CNST: variants seen among roughly 807,000 people sequenced by gnomAD.
The protein encoded by CNST is consortin, connexin sorting protein.
In CNST, 39 loss-of-function variants were observed where a neutral mutation model predicts 72.4. That is an observed-to-expected ratio of 0.54 (90% CI 0.42 to 0.70). CNST has a LOEUF of 0.70. Ranked by LOEUF, CNST falls within the 30% of genes least tolerant of loss-of-function variation. The probability of loss-of-function intolerance (pLI) is 0.00; values close to 1 mark genes in which losing one functional copy is unlikely to be tolerated. For missense variants in CNST, 871 were observed against 868.5 expected, an observed-to-expected ratio of 1.00 and a Z score of -0.04; for synonymous variants, 332 against 320.1, an observed-to-expected ratio of 1.04 and a Z score of -0.40.
chr1:246,636,273 C>G (rs1665232485), intron 6 of CNST, among the ~76,000 whole-genome samples: 1 of 152,098 alleles, frequency 6.6e-6, no homozygotes, highest in Admixed American at 6.6e-5. Context: ...TTTTATCAGT[C>G]CACTTGCGGG....
chr1:246,646,362 G>A (rs894662764), intron 8 of CNST, among the ~76,000 whole-genome samples: 1 of 151,638 alleles, frequency 6.6e-6, no homozygotes, highest in Non-Finnish European at 1.5e-5. Context: ...GAAGAGAACC[G>A]AGTTTGTTCC....
intron 8 of CNST, among the ~76,000 whole-genome samples, chr1:246,643,180 C>T (rs1030158897): frequency 6.6e-6 from 1 of 152,054 alleles, no homozygotes; most frequent in African/African-American, 2.4e-5. Flanking sequence ...GCATGAGCCA[C>T]CATGCCCGGC....
chr1:246,580,207 A>AT (rs1382568979), intron 1 of CNST, among the ~76,000 whole-genome samples: 2 of 152,110 alleles, frequency 1.3e-5, no homozygotes, highest in South Asian at 2.1e-4. Flanking sequence ...GTTTCCTTAG[A>AT]TTTTTTTTAA....
At chr1:246,594,553 T>C (rs1385475610) in intron 2 of CNST, among the ~76,000 whole-genome samples, 1 of 152,136 alleles carries the variant, frequency 6.6e-6, no homozygotes. Flanking sequence ...GCAGATCACT[T>C]GCGCTCAGGA....
intron 6 of CNST, among the ~76,000 whole-genome samples, chr1:246,635,322 G>C (rs1665129875): frequency 6.6e-6 from 1 of 151,986 alleles, no homozygotes; most frequent in East Asian, 1.9e-4. Context: ...TTCAACAAGA[G>C]TTTTAATGGC....
chr1:246,581,983 G>T (rs1376422029), intron 1 of CNST, among the ~76,000 whole-genome samples: 4 of 152,054 alleles, frequency 2.6e-5, no homozygotes, highest in Non-Finnish European at 4.4e-5. Context: ...TTTAACTGGG[G>T]TTTTTTTAAA....
intron 6 of CNST, among the ~76,000 whole-genome samples, chr1:246,639,823 C>G (rs1665561641): frequency 6.6e-6 from 1 of 152,160 alleles, no homozygotes; most frequent in South Asian, 2.1e-4. Flanking sequence ...CGGGCTGAGG[C>G]CTAAAATGGC....
chr1:246,663,392 T>C (rs1667221327), intron 10 of CNST, among the ~76,000 whole-genome samples: 1 of 151,808 alleles, frequency 6.6e-6, no homozygotes, highest in Non-Finnish European at 1.5e-5. Context: ...TACAGCATGA[T>C]TAATATGATC....
chr1:246,657,053 C>T (rs1027546335), intron 9 of CNST, among the ~76,000 whole-genome samples: 5 of 152,140 alleles, frequency 3.3e-5, no homozygotes, highest in African/African-American at 1.2e-4. Context: ...GACCCCAAAC[C>T]GAGACCATGA....
intron 1 of CNST, among the ~76,000 whole-genome samples, chr1:246,582,998 C>T (rs922436535): frequency 9.9e-5 from 15 of 152,172 alleles, no homozygotes; most frequent in South Asian, 2.1e-4. Context: ...GTTGTCCGCC[C>T]GTTAGCGTGA....
intron 9 of CNST, among the ~76,000 whole-genome samples, chr1:246,649,074 A>G (rs1666297897): frequency 6.6e-6 from 1 of 151,848 alleles, no homozygotes; most frequent in Non-Finnish European, 1.5e-5. Flanking sequence ...ATAGAATAGT[A>G]AAGCACTTGG....
chr1:246,566,858 C>G, intron 1 of CNST, 195 bp downstream of exon 1: 1 of 392,908 alleles, frequency 2.5e-6, no homozygotes, highest in Non-Finnish European at 4.5e-6. Context: ...CCTTTCTCAG[C>G]TACTGTGGGT....
chr1:246,569,849 C>T (rs1376413664), intron 1 of CNST: 5 of 528,014 alleles, frequency 9.5e-6, no homozygotes, highest in African/African-American at 2.1e-5. Flanking sequence ...TACATCTGCA[C>T]GTCAACAGTG....
At chr1:246,584,835 T>C (rs1661032916) in intron 1 of CNST, among the ~76,000 whole-genome samples, 1 of 152,216 alleles carries the variant, frequency 6.6e-6, no homozygotes, top group Non-Finnish European at 1.5e-5. Context: ...CCTATGAGTC[T>C]GTTTCTGCTG....
In CNST at chr1:246,575,376, C is replaced by A. The variant is rs76699794; in HGVS notation, c.-52+8713C>A. ...TGGTATATCTGTACAGTGGAAGATT[C>A]TTTGGCAATAAAAAGAAATGAAGTA... On this transcript the variant is annotated intron_variant, in intron 1 of 10. Coordinates refer to ENST00000366513, the MANE Select transcript of CNST (RefSeq NM_152609.3). 1.7e-3 allele frequency among the ~76,000 whole-genome samples: 256 copies of A among 152,278 alleles called. 1 individual carries two copies. Among genetic ancestry groups the A allele is most frequent in the African/African-American group, 5.9e-3 (244 of 41,548 alleles).
At chr1:246,572,914 T>C (rs1347119549) in intron 1 of CNST, among the ~76,000 whole-genome samples, 2 of 152,144 alleles carry the variant, frequency 1.3e-5, no homozygotes, top group Non-Finnish European at 2.9e-5. Context: ...TTAGATTTTT[T>C]TTTCCACTTG....
In CNST at chr1:246,647,095, GTGT is replaced by G. The variant is rs757114884; in HGVS notation, c.938-39_938-37del. ...TCCCTTCTTTTCCTTCCTATACAAA[GTGT>G]TGTTTTGAATTTTTAACAATTTATT... On this transcript the variant is annotated intron_variant, in intron 8 of 10. Coordinates refer to ENST00000366513, the MANE Select transcript of CNST (RefSeq NM_152609.3). 8 of 1,537,500 alleles carry G rather than the reference GTGT, an allele frequency of 5.2e-6. No individual in the cohort carries two copies. The South Asian group carries it at 9.6e-5, about 18-fold the overall frequency.
At chr1:246,649,462 GT>G (rs1182330138) in intron 9 of CNST, among the ~76,000 whole-genome samples, 1 of 152,130 alleles carries the variant, frequency 6.6e-6, no homozygotes, top group Non-Finnish European at 1.5e-5. Flanking sequence ...GGTACAGGAA[GT>G]TAACAACACA....
intron 6 of CNST, among the ~76,000 whole-genome samples, chr1:246,640,948 C>G (rs1446523905): frequency 6.6e-6 from 1 of 152,324 alleles, no homozygotes; most frequent in South Asian, 2.1e-4. Flanking sequence ...AACATTCCAG[C>G]CCTGCAGAAG....
Sources: gnomAD v4.1 joint callset for allele counts (sites outside exome capture counted in the v4.1 genomes callset) on GRCh38, gnomAD v4.1.1 for gene constraint, MANE v1.5 for transcripts, NCBI Gene and HGNC (gene_info 2026-07-23, HGNC 2026-07-21) for gene names.